The following ARHGAP21 variants were observed in gnomAD, a reference collection of about 807,000 sequenced individuals.
ARHGAP21 encodes Rho GTPase activating protein 21.
ARHGAP21 carries 38 observed loss-of-function variants against 164.6 expected under a neutral mutation model. The observed-to-expected ratio is 0.23, with a 90% CI of 0.18 to 0.30. ARHGAP21 has a LOEUF of 0.30. ARHGAP21 is among the 10% of genes least tolerant of loss of function. The pLI is 1.00. For synonymous variants in ARHGAP21, 766 were observed against 857.9 expected, an observed-to-expected ratio of 0.89 and a Z score of 1.87; for missense variants, 1,822 against 2,370.7, an observed-to-expected ratio of 0.77 and a Z score of 4.81.
chr10:24,639,112 GTT>G (rs1001008243), intron 4 of ARHGAP21, among the ~76,000 whole-genome samples: 16 of 152,134 alleles, frequency 1.1e-4, no homozygotes, highest in Admixed American at 3.9e-4. Context: ...TAATGCAACA[GTT>G]AAGACCTTGG....
At chr10:24,675,842 C>T (rs530877006) in intron 2 of ARHGAP21, among the ~76,000 whole-genome samples, 5 of 152,264 alleles carry the variant, frequency 3.3e-5, no homozygotes, top group Admixed American at 1.3e-4. Flanking sequence ...TTTTTGTATA[C>T]AGCAAATATA....
At chr10:24,696,472 A>T (rs533580707) in intron 2 of ARHGAP21, among the ~76,000 whole-genome samples, 10 of 152,344 alleles carry the variant, frequency 6.6e-5, no homozygotes, top group African/African-American at 2.4e-4. Flanking sequence ...CTCAGCATTC[A>T]GGGGCAGTAG....
chr10:24,606,292 A>G (rs1407017327), intron 11 of ARHGAP21, among the ~76,000 whole-genome samples: 1 of 152,170 alleles, frequency 6.6e-6, no homozygotes, highest in East Asian at 1.9e-4. Context: ...AAGACTTGCA[A>G]CACATCACAG....
At chr10:24,627,046 A>C (rs1835207476) in intron 7 of ARHGAP21, among the ~76,000 whole-genome samples, 1 of 152,200 alleles carries the variant, frequency 6.6e-6, no homozygotes, top group South Asian at 2.1e-4. Context: ...TCCTTACACG[A>C]GTCAAATTTT....
intron 4 of ARHGAP21, among the ~76,000 whole-genome samples, chr10:24,656,357 C>A (rs1212121303): frequency 3.5e-4 from 32 of 91,854 alleles, no homozygotes; most frequent in Admixed American, 5.8e-4. Context: ...TCAGCCCCCC[C>A]ACCCGGCCAG....
intron 4 of ARHGAP21, among the ~76,000 whole-genome samples, chr10:24,662,079 T>C (rs1050917659): frequency 6.6e-6 from 1 of 152,198 alleles, no homozygotes; most frequent in African/African-American, 2.4e-5. Context: ...GCTAGCCAAG[T>C]ACTGAAACTG....
intron 4 of ARHGAP21, among the ~76,000 whole-genome samples, chr10:24,657,299 G>A (rs1184968073): frequency 2.1e-5 from 1 of 48,438 alleles, no homozygotes; most frequent in Non-Finnish European, 4.1e-5. Flanking sequence ...GGGAGGTGGG[G>A]GGGGGGTCAG....
intron 7 of ARHGAP21, chr10:24,628,906 C>T (rs1252130056): frequency 6.4e-5 from 4 of 62,330 alleles, no homozygotes; most frequent in Admixed American, 2.1e-4. Flanking sequence ...TACATATATA[C>T]ACATATATAC....
intron 4 of ARHGAP21, among the ~76,000 whole-genome samples, chr10:24,653,994 A>C (rs915428153): frequency 4.6e-5 from 7 of 152,236 alleles, no homozygotes; most frequent in African/African-American, 7.2e-5. Context: ...GGACTTGGTA[A>C]CCAGAATATA....
intron 4 of ARHGAP21, among the ~76,000 whole-genome samples, chr10:24,660,399 A>AAAAAG (rs1187644807): frequency 6.6e-6 from 1 of 150,418 alleles, no homozygotes; most frequent in East Asian, 1.9e-4. Context: ...AAAAAAAAAA[A>AAAAAG]AAAAAAAAAA....
Position 24,631,999 on chromosome 10 carries a change from G to A in ARHGAP21, c.440+1403C>T, listed in dbSNP as rs142879592. ...GCCTCCTAAAATGCTGGGATTACAG[G>A]CATGAGCCACTGCACCCAGCCCACA... On this transcript the variant is annotated intron_variant, in intron 6 of 25. Coordinates refer to ENST00000396432, the MANE Select transcript of ARHGAP21 (RefSeq NM_020824.4). Among the ~76,000 whole-genome samples, 23 of 152,252 alleles carry A rather than the reference G, an allele frequency of 1.5e-4. No homozygotes were observed. The Middle Eastern group carries it at 0.01, about 68-fold the overall frequency.
intron 14 of ARHGAP21, among the ~76,000 whole-genome samples, chr10:24,598,515 CATT>C (rs1319452369): frequency 6.6e-6 from 1 of 151,974 alleles, no homozygotes; most frequent in Non-Finnish European, 1.5e-5. Flanking sequence ...GCGGCAGTTA[CATT>C]ATCAGAAGAT....
chr10:24,608,009 T>C, intron 9 of ARHGAP21, 106 bp from the exon 10 acceptor site: 3 of 1,037,014 alleles, frequency 2.9e-6, no homozygotes, highest in South Asian at 4.2e-5. Context: ...ATTTTAACAC[T>C]TCACCACCAA....
At chr10:24,720,752 G>T (rs1175160726) in intron 2 of ARHGAP21, among the ~76,000 whole-genome samples, 1 of 152,172 alleles carries the variant, frequency 6.6e-6, no homozygotes, top group Non-Finnish European at 1.5e-5. Flanking sequence ...CAAGGACTAT[G>T]AAGTTAAAAT....
intron 2 of ARHGAP21, among the ~76,000 whole-genome samples, chr10:24,699,241 T>C (rs1431068300): frequency 6.6e-6 from 1 of 152,168 alleles, no homozygotes; most frequent in East Asian, 1.9e-4. Flanking sequence ...GAGGGAAATA[T>C]ATAATTTACA....
At chr10:24,697,976 G>A (rs1336120332) in intron 2 of ARHGAP21, among the ~76,000 whole-genome samples, 1 of 152,126 alleles carries the variant, frequency 6.6e-6, no homozygotes, top group Non-Finnish European at 1.5e-5. Flanking sequence ...AAATTCTAAG[G>A]CATTTTGTTG....
chr10:24,703,415 C>A (rs1195565687), intron 2 of ARHGAP21, among the ~76,000 whole-genome samples: 2 of 152,130 alleles, frequency 1.3e-5, no homozygotes, highest in East Asian at 3.9e-4. Flanking sequence ...CAGGTTATCT[C>A]ATTTTAAACT....
intron 2 of ARHGAP21, among the ~76,000 whole-genome samples, chr10:24,674,555 G>C (rs1300538232): frequency 9.9e-5 from 15 of 151,806 alleles, no homozygotes; most frequent in Non-Finnish European, 1.6e-4. Flanking sequence ...GTGTGGTGGT[G>C]CATGCCTGTA....
At chr10:24,683,802 C>T (rs190018996) in intron 2 of ARHGAP21, among the ~76,000 whole-genome samples, 11 of 152,314 alleles carry the variant, frequency 7.2e-5, no homozygotes, top group African/African-American at 2.6e-4. Context: ...ACACATCTCA[C>T]ACAATGTTTT....
Sources: gnomAD v4.1 joint callset for allele counts (sites outside exome capture counted in the v4.1 genomes callset) on GRCh38, gnomAD v4.1.1 for gene constraint, MANE v1.5 for transcripts, NCBI Gene and HGNC (gene_info 2026-07-23, HGNC 2026-07-21) for gene names.